MID2: variants seen among roughly 807,000 people sequenced by gnomAD.
MID2 encodes midline 2, also known as probable E3 ubiquitin-protein ligase MID2.
MID2 carries 13 observed loss-of-function variants against 46.1 expected under a neutral mutation model. The ratio of observed to expected loss-of-function variants is 0.28; its 90% confidence interval spans 0.18 to 0.45. MID2 has a LOEUF of 0.45. Among genes scored for constraint, MID2 ranks in the 20% least tolerant of loss-of-function variants. The pLI is 1.00. For synonymous variants in MID2, 199 were observed against 212.3 expected, an observed-to-expected ratio of 0.94 and a Z score of 0.55; for missense variants, 431 against 575.4, an observed-to-expected ratio of 0.75 and a Z score of 2.57.
chrX:107,927,095 C>T lies in MID2; in HGVS notation c.*22C>T, dbSNP rs1164890422. The T allele has an allele frequency of 8.6e-7, 1 of 1,156,126 alleles. No individual in the cohort carries two copies. The highest frequency in any genetic ancestry group is 1.2e-6 in the Non-Finnish European group (1 of 859,954). ...TTAAGTTTCAGGAGAGTATATAATT[C>T]ACTGGCTCTCTAGTTCAGCAGTTCT... On this transcript the variant is annotated 3_prime_UTR_variant, in exon 10 of 10. Coordinates refer to ENST00000262843, the MANE Select transcript of MID2 (RefSeq NM_012216.4).
chrX:107,827,462 G>C (rs1025748305), intron 1 of MID2, among the ~76,000 whole-genome samples: 3 of 111,091 alleles, frequency 2.7e-5, no homozygotes, highest in African/African-American at 9.8e-5. Flanking sequence ...AGTGTGGGGC[G>C]GATAGATGGT....
intron 5 of MID2, among the ~76,000 whole-genome samples, chrX:107,909,350 G>C (rs1932864853): frequency 8.9e-6 from 1 of 111,734 alleles, no homozygotes; most frequent in Admixed American, 9.4e-5. Context: ...ACCTATGTGA[G>C]TACCAGGGAT....
At position 107,861,771 on chromosome X, in the gene MID2, T is replaced by C. The variant is rs958712171; in HGVS notation, c.816+7067T>C. ...CTCTGTTTGTGTATTATTCTGCTAC[T>C]GGTGAGTTAACAGTAGGAATCACTA... On this transcript the variant is annotated intron_variant, in intron 3 of 9. Coordinates refer to ENST00000262843, the MANE Select transcript of MID2 (RefSeq NM_012216.4). Among the ~76,000 whole-genome samples, 20 of 112,686 alleles carry C rather than the reference T, an allele frequency of 1.8e-4. No homozygotes were observed. The East Asian group carries it at 5.6e-3, about 32-fold the overall frequency.
At chrX:107,868,343 A>G (rs944015323) in intron 3 of MID2, among the ~76,000 whole-genome samples, 3 of 111,861 alleles carry the variant, frequency 2.7e-5, no homozygotes, top group African/African-American at 9.8e-5. Context: ...GTATTTTCAG[A>G]AGAAGTGAAT....
At chrX:107,908,752 C>T in intron 5 of MID2, among the ~76,000 whole-genome samples, 2 of 106,033 alleles carry the variant, frequency 1.9e-5, no homozygotes, top group Non-Finnish European at 1.9e-5. Context: ...GTCCTAGCTA[C>T]TTGGGAGGCT....
intron 1 of MID2, among the ~76,000 whole-genome samples, chrX:107,827,819 T>C (rs1930990012): frequency 9.3e-6 from 1 of 107,789 alleles, no homozygotes; most frequent in African/African-American, 3.4e-5. Context: ...TTGCTATTTT[T>C]ATATATTCTT....
chrX:107,904,127 T>A, intron 4 of MID2, 62 bp downstream of exon 4: 1 of 766,455 alleles, frequency 1.3e-6, no homozygotes, highest in Non-Finnish European at 2.0e-6. Context: ...CAAAGTTTGA[T>A]CCAGATGATT....
intron 1 of MID2, among the ~76,000 whole-genome samples, chrX:107,827,397 T>A (rs1209270079): frequency 9.0e-6 from 1 of 111,087 alleles, no homozygotes; most frequent in Non-Finnish European, 1.9e-5. Context: ...ACTCCCAGCC[T>A]CCCAGCCATG....
At chrX:107,887,489 GGATAA>G (rs1932483518) in intron 3 of MID2, among the ~76,000 whole-genome samples, 1 of 111,785 alleles carries the variant, frequency 8.9e-6, no homozygotes, top group Admixed American at 9.5e-5. Flanking sequence ...TGATCATGGT[GGATAA>G]GGTTTTTGAT....
At chrX:107,842,724 A>G (rs1931376142) in intron 2 of MID2, among the ~76,000 whole-genome samples, 1 of 112,033 alleles carries the variant, frequency 8.9e-6, no homozygotes, top group Non-Finnish European at 1.9e-5. Context: ...TTTTTATTTC[A>G]CTCAAGTTGA....
At chrX:107,826,616 C>A (rs1930954181) in intron 1 of MID2, among the ~76,000 whole-genome samples, 186 bp downstream of exon 1, 2 of 112,669 alleles carry the variant, frequency 1.8e-5, no homozygotes, top group South Asian at 7.2e-4. Context: ...CCCAGCTCAG[C>A]TCCGGCTCTC....
Position 107,894,232 on chromosome X carries a change from C to T in MID2, c.817-9726C>T, listed in dbSNP as rs185991912. 4.9e-3 allele frequency among the ~76,000 whole-genome samples: 539 copies of T among 110,801 alleles called. 2 individuals are homozygous for T. Among genetic ancestry groups the T allele is most frequent in the African/African-American group, 0.017 (508 of 30,482 alleles). ...TATACCCAGCACATGGCTTGGTACA[C>T]GAATAGGTACCGAGAAAGGATATTT... On this transcript the variant is annotated intron_variant, in intron 3 of 9. Transcript: ENST00000262843.
At chrX:107,845,813 G>T (rs1931458104) in intron 2 of MID2, among the ~76,000 whole-genome samples, 1 of 110,852 alleles carries the variant, frequency 9.0e-6, no homozygotes, top group African/African-American at 3.3e-5. Context: ...ACTACTGTCT[G>T]CCAAGACAGA....
In MID2 at chrX:107,874,991, A is replaced by G. The variant is rs1236952483; in HGVS notation, c.816+20287A>G. 4.5e-5 allele frequency among the ~76,000 whole-genome samples: 5 copies of G among 110,952 alleles called. No individual in the cohort carries two copies. The East Asian group carries it at 1.4e-3, about 31-fold the overall frequency. On this transcript the variant is annotated intron_variant, in intron 3 of 9. Transcript: ENST00000262843. ...TCCGAGAGGTTTCCTCAGTTCGAGC[A>G]CAGAGGAGAATGTCATCTATATATT...
intron 3 of MID2, among the ~76,000 whole-genome samples, chrX:107,866,948 C>T (rs1013658771): frequency 9.0e-6 from 1 of 111,717 alleles, no homozygotes; most frequent in African/African-American, 3.3e-5. Context: ...CCCCATTTTT[C>T]AGATGAGGAA....
chrX:107,908,608 T>C (rs988607330), intron 5 of MID2, among the ~76,000 whole-genome samples: 15 of 108,094 alleles, frequency 1.4e-4, no homozygotes, highest in Admixed American at 4.0e-4. Flanking sequence ...CTGGGTGTGG[T>C]GGCTCACACC....
At chrX:107,842,860 A>G (rs1015880915) in intron 2 of MID2, among the ~76,000 whole-genome samples, 1 of 111,969 alleles carries the variant, frequency 8.9e-6, no homozygotes, top group African/African-American at 3.2e-5. Flanking sequence ...GTATAAACAG[A>G]CCTTGATAGA....
intron 3 of MID2, among the ~76,000 whole-genome samples, chrX:107,893,763 A>G (rs909003738): frequency 8.9e-6 from 1 of 112,636 alleles, no homozygotes; most frequent in Non-Finnish European, 1.9e-5. Context: ...TTATTCATCT[A>G]AAAAATAGGA....
At chrX:107,842,569 G>A in intron 2 of MID2, among the ~76,000 whole-genome samples, 1 of 112,098 alleles carries the variant, frequency 8.9e-6, no homozygotes, top group South Asian at 3.7e-4. Flanking sequence ...TATAATGTTG[G>A]TGAGAGTAGC....
Sources: gnomAD v4.1 joint callset for allele counts (sites outside exome capture counted in the v4.1 genomes callset) on GRCh38, gnomAD v4.1.1 for gene constraint, MANE v1.5 for transcripts, NCBI Gene and HGNC (gene_info 2026-07-23, HGNC 2026-07-21) for gene names.